Variants in TMEM132B observed in about 807,000 individuals in gnomAD.
TMEM132B encodes transmembrane protein 132B.
Under a neutral mutation model 90.8 loss-of-function variants are expected in TMEM132B, and 18 were observed. The observed-to-expected ratio is 0.20, with a 90% confidence interval of 0.14 to 0.29. The LOEUF is 0.29. TMEM132B is among the 10% of genes least tolerant of loss of function. The probability of loss-of-function intolerance (pLI) is 1.00; values close to 1 mark genes in which losing one functional copy is unlikely to be tolerated. For synonymous variants in TMEM132B, 504 were observed against 523.3 expected, an observed-to-expected ratio of 0.96 and a Z score of 0.50; for missense variants, 1,096 against 1,326.8, an observed-to-expected ratio of 0.83 and a Z score of 2.70.
chr12:125,621,013 A>G (rs1886101120), intron 5 of TMEM132B, among the ~76,000 whole-genome samples: 1 of 152,204 alleles, frequency 6.6e-6, no homozygotes, highest in Non-Finnish European at 1.5e-5. Flanking sequence ...AAGATATGCC[A>G]TTGATTCAAA....
At chr12:125,617,165 G>A (rs1004874933) in intron 5 of TMEM132B, among the ~76,000 whole-genome samples, 2 of 151,966 alleles carry the variant, frequency 1.3e-5, no homozygotes, top group African/African-American at 4.8e-5. Flanking sequence ...TGATCTCTAT[G>A]CCCATGGCTT....
chr12:125,302,495 C>T (rs568570271), intron 1 of TMEM132B, among the ~76,000 whole-genome samples: 5 of 152,042 alleles, frequency 3.3e-5, no homozygotes, highest in South Asian at 2.1e-4. Context: ...TGGGGTTGTT[C>T]GTTATACAGC....
At chr12:125,597,430 A>G (rs1256383214) in intron 5 of TMEM132B, among the ~76,000 whole-genome samples, 2 of 152,184 alleles carry the variant, frequency 1.3e-5, no homozygotes, top group African/African-American at 2.4e-5. Flanking sequence ...GCCTCCCTCA[A>G]AAAGACACTT....
chr12:125,358,880 G>T (rs948876136), intron 2 of TMEM132B, among the ~76,000 whole-genome samples: 1 of 152,122 alleles, frequency 6.6e-6, no homozygotes, highest in African/African-American at 2.4e-5. Context: ...ATCCATTGAC[G>T]ATTCTTGTCT....
intron 3 of TMEM132B, among the ~76,000 whole-genome samples, chr12:125,508,443 A>T (rs954645951): frequency 6.6e-6 from 1 of 152,208 alleles, no homozygotes; most frequent in African/African-American, 2.4e-5. Context: ...CTGGGAAAAA[A>T]TTGGCACTGA....
chr12:125,187,707 A>G (rs772915225), intron 1 of TMEM132B, among the ~76,000 whole-genome samples: 27 of 152,060 alleles, frequency 1.8e-4, no homozygotes, highest in Non-Finnish European at 3.2e-4. Flanking sequence ...AAAGCTTTCT[A>G]CCCACCTTGG....
intron 1 of TMEM132B, among the ~76,000 whole-genome samples, chr12:125,190,803 A>G (rs1374379385): frequency 9.3e-5 from 1 of 10,798 alleles, no homozygotes; most frequent in Admixed American, 1.1e-3. Context: ...GGTGATGGTG[A>G]TGGGGAAGGG....
At chr12:125,479,400 TAAAGGGA>T (rs1448691676) in intron 3 of TMEM132B, among the ~76,000 whole-genome samples, 7 of 152,024 alleles carry the variant, frequency 4.6e-5, no homozygotes, top group African/African-American at 1.7e-4. Flanking sequence ...AGGCTCAAAA[TAAAGGGA>T]TGGAGGAAGA....
chr12:125,659,185 T>C lies in TMEM132B; in HGVS notation c.*4475T>C, dbSNP rs574901635. The C allele has an allele frequency of 6.6e-6, 1 of 152,372 alleles. No homozygotes were observed. Among genetic ancestry groups the C allele is most frequent in the South Asian group, 2.1e-4 (1 of 4,824 alleles). 9.4% of individuals were successfully genotyped at this position (152,372 alleles called of 1,614,324 possible). On this transcript the variant is annotated 3_prime_UTR_variant, in exon 9 of 9. Coordinates refer to ENST00000682704, the MANE Select transcript of TMEM132B (RefSeq NM_001366854.1). ...AATGGACATCAAAAGAAAACATTTCTTAAAAGTTGCCAACGTATTTTACCT... is the reference window on the plus strand; with the variant it reads ...AATGGACATCAAAAGAAAACATTTCCTAAAAGTTGCCAACGTATTTTACCT...
Position 125,655,796 on chromosome 12 carries a change from T to C in TMEM132B, c.*1086T>C, listed in dbSNP as rs577951638. ...TCCATTTTACCAGAACAAAAGTTTT[T>C]TTTTTTTTAAATAAGTAGAATGACA... is the stretch of plus-strand genomic sequence containing the variant. On this transcript the variant is annotated 3_prime_UTR_variant, in exon 9 of 9. Coordinates refer to ENST00000682704, the MANE Select transcript of TMEM132B (RefSeq NM_001366854.1). 6 of 152,326 alleles carry C rather than the reference T, an allele frequency of 3.9e-5. No homozygotes were observed. The East Asian group carries it at 1.2e-3, about 29-fold the overall frequency. The allele number at this position is 152,326 out of a possible 1,614,324, so 9.4% of individuals were successfully genotyped here. A position where few individuals can be genotyped will look rare whatever the true frequency, so the allele number is the denominator to read the frequency against.
Position 125,349,471 on chromosome 12 carries a change from T to C in TMEM132B, c.87T>C (p.Ile29=). ...GTGCAGTGACAGAGAGTCGAGGGAT[T>C]GTGGATAGCCTGCAGAAGTTTTCCT... ...LQCPVTESRG[I]VDSLQKFSSL... is the part of the protein sequence containing the mutation. Residue 29 remains isoleucine (I), a synonymous_variant, in exon 2 of 9, where the codon ATT becomes ATC. Coordinates refer to ENST00000682704, the MANE Select transcript of TMEM132B (RefSeq NM_001366854.1). The surrounding 1 kb of genome is among the most constrained non-coding windows in gnomAD (Gnocchi z 4.1). 2 of 1,611,656 alleles carry C rather than the reference T, an allele frequency of 1.2e-6. No homozygotes were observed. Among genetic ancestry groups the C allele is most frequent in the Non-Finnish European group, 1.7e-6 (2 of 1,178,698 alleles).
intron 1 of TMEM132B, among the ~76,000 whole-genome samples, chr12:125,230,313 TCTC>T (rs1205978938): frequency 3.3e-5 from 5 of 152,052 alleles, no homozygotes; most frequent in Non-Finnish European, 7.4e-5. Context: ...TGTGTTGGCT[TCTC>T]CTCTGTGTGA....
intron 2 of TMEM132B, among the ~76,000 whole-genome samples, chr12:125,375,378 A>G (rs1030456981): frequency 1.3e-5 from 2 of 152,196 alleles, no homozygotes; most frequent in African/African-American, 4.8e-5. Flanking sequence ...TCTAGTGCCA[A>G]TCTGTCCTTC....
chr12:125,413,406 G>T (rs891088307), intron 2 of TMEM132B, among the ~76,000 whole-genome samples: 1 of 151,920 alleles, frequency 6.6e-6, no homozygotes, highest in Non-Finnish European at 1.5e-5. Context: ...TCACAGTGCC[G>T]TTGGACCACC....
intron 4 of TMEM132B, among the ~76,000 whole-genome samples, chr12:125,528,606 G>A (rs1321124387): frequency 6.6e-6 from 1 of 152,174 alleles, no homozygotes; most frequent in Non-Finnish European, 1.5e-5. Flanking sequence ...TCATGCTAGG[G>A]GAGGGGACTG....
At chr12:125,263,174 G>A (rs563876560) in intron 1 of TMEM132B, among the ~76,000 whole-genome samples, 1 of 152,334 alleles carries the variant, frequency 6.6e-6, no homozygotes, top group South Asian at 2.1e-4. Context: ...TCCTGACTTT[G>A]AGGTCAGATT....
At chr12:125,268,002 T>G (rs761761027) in intron 1 of TMEM132B, among the ~76,000 whole-genome samples, 5 of 152,032 alleles carry the variant, frequency 3.3e-5, no homozygotes, top group Non-Finnish European at 7.4e-5. Context: ...TCCCTGTACT[T>G]TAGGAGGCTG....
At chr12:125,294,032 G>A (rs1022472897) in intron 1 of TMEM132B, among the ~76,000 whole-genome samples, 4 of 152,222 alleles carry the variant, frequency 2.6e-5, no homozygotes, top group African/African-American at 9.6e-5. Context: ...CAGCCAGCAA[G>A]CCTAGAGGTG....
chr12:125,579,052 T>C (rs1884994996), intron 4 of TMEM132B, among the ~76,000 whole-genome samples: 1 of 152,144 alleles, frequency 6.6e-6, no homozygotes. Context: ...CTGCCTCCTT[T>C]TCTTCTGGGA....
Sources: gnomAD v4.1 joint callset for allele counts (sites outside exome capture counted in the v4.1 genomes callset) on GRCh38, gnomAD v4.1.1 for gene constraint, Gnocchi (gnomAD v3.1) non-coding constraint, MANE v1.5 for transcripts, NCBI Gene and HGNC (gene_info 2026-07-23, HGNC 2026-07-21) for gene names.